PRKCA: variants seen among roughly 807,000 people sequenced by gnomAD.
The protein encoded by PRKCA is protein kinase C alpha, also known as protein kinase C alpha type.
In PRKCA, 27 loss-of-function variants were observed where a neutral mutation model predicts 87.0. That is an observed-to-expected ratio of 0.31 (90% CI 0.23 to 0.43). PRKCA has a LOEUF of 0.43. PRKCA is among the 20% of genes least tolerant of loss of function. The pLI is 1.00. For synonymous variants in PRKCA, 329 were observed against 311.1 expected (o/e 1.06, Z -0.61); for missense variants, 518 against 852.3 (o/e 0.61, Z 4.88).
At chr17:66,447,630 C>T (rs1162843273) in intron 2 of PRKCA, among the ~76,000 whole-genome samples, 1 of 152,206 alleles carries the variant, frequency 6.6e-6, no homozygotes, top group African/African-American at 2.4e-5. Context: ...CTGGACTGTG[C>T]TGCTGAATGT....
intron 8 of PRKCA, among the ~76,000 whole-genome samples, chr17:66,702,508 C>T (rs1973088493): frequency 6.6e-6 from 1 of 152,120 alleles, no homozygotes. Flanking sequence ...TAATGTACAG[C>T]ATGGTGACCA....
intron 2 of PRKCA, among the ~76,000 whole-genome samples, chr17:66,489,079 A>C (rs1037025404): frequency 1.3e-5 from 2 of 152,016 alleles, no homozygotes; most frequent in African/African-American, 4.8e-5. Flanking sequence ...ACGTGATGGC[A>C]ACCATTTTTG....
At chr17:66,396,318 G>A (rs1910660995) in intron 2 of PRKCA, among the ~76,000 whole-genome samples, 1 of 152,064 alleles carries the variant, frequency 6.6e-6, no homozygotes, top group Non-Finnish European at 1.5e-5. Flanking sequence ...AAGGAGTGTG[G>A]TAAAAACTGC....
intron 2 of PRKCA, among the ~76,000 whole-genome samples, chr17:66,467,042 C>T (rs3843733): frequency 0.3 from 45,250 of 152,098 alleles, 7,034 homozygotes; most frequent in Middle Eastern, 0.44. Context: ...TTGCTGATGG[C>T]TTCGTTGCCC....
intron 8 of PRKCA, among the ~76,000 whole-genome samples, chr17:66,706,093 T>A (rs1007729527): frequency 5.3e-5 from 8 of 152,244 alleles, no homozygotes; most frequent in Non-Finnish European, 7.4e-5. Flanking sequence ...CAGCCCAGCC[T>A]CTGACCCAGT....
intron 13 of PRKCA, among the ~76,000 whole-genome samples, chr17:66,763,435 C>T (rs146372083): frequency 4.6e-5 from 7 of 152,322 alleles, no homozygotes; most frequent in African/African-American, 1.2e-4. Context: ...ACCCAGAAAA[C>T]GTTCAGGCCT....
In PRKCA at chr17:66,695,420, A is replaced by T. The variant is rs139755405; in HGVS notation, c.918+6373A>T. On this transcript the variant is annotated intron_variant, in intron 8 of 16. Transcript: ENST00000413366. ...GGCTTTTAGCTGGGAATGGACTTTC[A>T]ACGAACTCATTTCTACCTGTAGGGT... Among the ~76,000 whole-genome samples the T allele has an allele frequency of 2.5e-3, 384 of 152,344 alleles. 4 individuals are homozygous for T. The highest frequency in any genetic ancestry group is 3.1e-3 in the East Asian group (16 of 5,192).
chr17:66,664,031 C>T (rs1043048720), intron 5 of PRKCA, among the ~76,000 whole-genome samples: 2 of 152,042 alleles, frequency 1.3e-5, no homozygotes, highest in Non-Finnish European at 2.9e-5. Flanking sequence ...CCACGCCCTG[C>T]TAATTTTTGT....
chr17:66,738,813 A>G lies in PRKCA; in HGVS notation c.1280A>G (p.Tyr427Cys). ...MEYVNGGDLMYHIQQVGKFKE... is the reference protein window; with the variant it reads ...MEYVNGGDLMCHIQQVGKFKE... Reference sequence around the variant, plus strand: ...TATGTCAACGGTGGGGACCTCATGTACCACATTCAGCAAGTAGGAAAATTT... The same window carrying G: ...TATGTCAACGGTGGGGACCTCATGTGCCACATTCAGCAAGTAGGAAAATTT... The change falls in exon 11 of 17, where the codon TAC becomes TGC. Residue 427 changes from tyrosine to cysteine, a missense_variant. Tyr to Cys is a radical substitution (Grantham distance 194). Coordinates refer to ENST00000413366, the MANE Select transcript of PRKCA (RefSeq NM_002737.3). The G allele has an allele frequency of 6.2e-7, 1 of 1,613,830 alleles. No homozygotes were observed. Among genetic ancestry groups the G allele is most frequent in the Non-Finnish European group, 8.5e-7 (1 of 1,179,906 alleles).
chr17:66,414,582 ACTTTG>A (rs1205070591), intron 2 of PRKCA, among the ~76,000 whole-genome samples: 1 of 152,180 alleles, frequency 6.6e-6, no homozygotes, highest in Non-Finnish European at 1.5e-5. Flanking sequence ...ACAGCATCAT[ACTTTG>A]CTTCACATGT....
chr17:66,638,539 G>A (rs184621848), intron 3 of PRKCA, among the ~76,000 whole-genome samples: 150 of 152,212 alleles, frequency 9.9e-4, no homozygotes, highest in African/African-American at 3.5e-3. Context: ...ATACTTCTCT[G>A]TATGATTGAA....
chr17:66,339,606 A>G (rs1404602349), intron 2 of PRKCA, among the ~76,000 whole-genome samples: 3 of 152,126 alleles, frequency 2.0e-5, no homozygotes, highest in African/African-American at 7.2e-5. Flanking sequence ...TTGTTCTTTC[A>G]TTACTACTTG....
In PRKCA at chr17:66,705,691, G is replaced by T. The variant is rs150873645; in HGVS notation, c.918+16644G>T. On this transcript the variant is annotated intron_variant, in intron 8 of 16. Coordinates refer to ENST00000413366, the MANE Select transcript of PRKCA (RefSeq NM_002737.3). Reference sequence around the variant, plus strand: ...TCCCCAGGCCCTGGTACCCACAGGGGATGAGCAGGTACCAAGGGTGCCACC... The same window carrying T: ...TCCCCAGGCCCTGGTACCCACAGGGTATGAGCAGGTACCAAGGGTGCCACC... Among the ~76,000 whole-genome samples, 1,102 of 152,246 alleles carry T rather than the reference G, an allele frequency of 7.2e-3. 15 individuals carry two copies. Among genetic ancestry groups the T allele is most frequent in the African/African-American group, 0.023 (953 of 41,534 alleles).
chr17:66,681,897 A>G (rs574755683), intron 5 of PRKCA, among the ~76,000 whole-genome samples: 5 of 152,136 alleles, frequency 3.3e-5, no homozygotes, highest in African/African-American at 1.2e-4. Flanking sequence ...CATAGCGGTC[A>G]CTCCCGCCTG....
At chr17:66,651,086 T>C (rs1386236122) in intron 5 of PRKCA, among the ~76,000 whole-genome samples, 3 of 152,050 alleles carry the variant, frequency 2.0e-5, no homozygotes, top group African/African-American at 7.2e-5. Context: ...GGTGACAGCT[T>C]CACATCGGAA....
intron 2 of PRKCA, among the ~76,000 whole-genome samples, chr17:66,387,303 G>A (rs1393012140): frequency 6.6e-6 from 1 of 152,186 alleles, no homozygotes; most frequent in African/African-American, 2.4e-5. Flanking sequence ...TGAGATTTCT[G>A]GATACAGGAC....
intron 5 of PRKCA, among the ~76,000 whole-genome samples, chr17:66,663,802 A>C (rs1971970291): frequency 6.6e-6 from 1 of 151,414 alleles, no homozygotes. Flanking sequence ...CTCACTGATC[A>C]CTGTGTTGTG....
intron 3 of PRKCA, among the ~76,000 whole-genome samples, chr17:66,509,984 A>G (rs944650144): frequency 3.9e-5 from 6 of 152,092 alleles, no homozygotes; most frequent in African/African-American, 7.2e-5. Flanking sequence ...AGCTTGTCCA[A>G]CCCACCTTAT....
intron 2 of PRKCA, among the ~76,000 whole-genome samples, chr17:66,478,605 G>T (rs1189585246): frequency 6.6e-6 from 1 of 152,036 alleles, no homozygotes; most frequent in Non-Finnish European, 1.5e-5. Flanking sequence ...TTAGGATCTT[G>T]CATTGCAATA....
Sources: allele counts gnomAD v4.1 joint callset (sites outside exome capture counted in the v4.1 genomes callset), GRCh38; gene constraint gnomAD v4.1.1; transcripts MANE v1.5; gene names NCBI Gene and HGNC (gene_info 2026-07-23, HGNC 2026-07-21).